The following RIMS1 variants were observed in gnomAD, a reference collection of about 807,000 sequenced individuals.
RIMS1 encodes the protein regulating synaptic membrane exocytosis 1.
RIMS1 carries 83 observed loss-of-function variants against 214.1 expected under a neutral mutation model. That is an observed-to-expected ratio of 0.39 (90% confidence interval 0.32 to 0.47). The LOEUF (loss-of-function observed/expected upper bound fraction) is 0.47, where lower values mean the gene tolerates loss of function less well. Ranked by LOEUF, RIMS1 falls within the 20% of genes least tolerant of loss-of-function variation. The pLI, the probability that RIMS1 is intolerant of heterozygous loss-of-function variation, is 0.99. For synonymous variants in RIMS1, 793 were observed against 786.8 expected (o/e 1.01, Z -0.13); for missense variants, 2,050 against 2,161.8 (o/e 0.95, Z 1.03).
chr6:72,185,795 C>G (rs1451981166), intron 6 of RIMS1, among the ~76,000 whole-genome samples: 2 of 152,106 alleles, frequency 1.3e-5, no homozygotes, highest in African/African-American at 4.8e-5. Flanking sequence ...AAAGTTACAC[C>G]AGGTGTGCCT....
rs151303560 is a variant in RIMS1, at chr6:72,006,177, A to G, written c.245+37114A>G. Among the ~76,000 whole-genome samples the G allele has an allele frequency of 4.6e-3, 707 of 152,268 alleles. 3 individuals carry two copies. Among genetic ancestry groups the G allele is most frequent in the Admixed American group, 0.024 (370 of 15,300 alleles). ...TTCCATTCATAAGGGCTCTGCCCTC[A>G]TGATCTAATTACCTCCCAGGGGATC... On this transcript the variant is annotated intron_variant, in intron 2 of 33. Coordinates refer to ENST00000521978, the MANE Select transcript of RIMS1 (RefSeq NM_014989.7).
At position 72,056,055 on chromosome 6, in the gene RIMS1, A is replaced by G. The variant is rs1423787985; in HGVS notation, c.246-40894A>G. On this transcript the variant is annotated intron_variant, in intron 2 of 33. Coordinates refer to ENST00000521978, the MANE Select transcript of RIMS1 (RefSeq NM_014989.7). ...AGACTGGATAAAGAAAATGTGGTACATATGCACCATGGAATACTATGCAGC... is the reference window on the plus strand; with the variant it reads ...AGACTGGATAAAGAAAATGTGGTACGTATGCACCATGGAATACTATGCAGC... Among the ~76,000 whole-genome samples, 3 of 147,552 alleles carry G rather than the reference A, an allele frequency of 2.0e-5. No individual in the cohort carries two copies. The East Asian group carries it at 6.0e-4, about 29-fold the overall frequency.
At chr6:71,914,556 A>T (rs1777796747) in intron 1 of RIMS1, among the ~76,000 whole-genome samples, 1 of 152,166 alleles carries the variant, frequency 6.6e-6, no homozygotes, top group Non-Finnish European at 1.5e-5. Context: ...TGTTTATGTT[A>T]AGAGTAATTT....
chr6:71,988,422 G>A (rs575625122), intron 2 of RIMS1, among the ~76,000 whole-genome samples: 4 of 151,404 alleles, frequency 2.6e-5, no homozygotes, highest in South Asian at 2.1e-4. Context: ...TTCAAAATCC[G>A]AAATTCTTTA....
Position 72,340,278 on chromosome 6 carries a change from C to T in RIMS1, c.4366+6443C>T, listed in dbSNP as rs1266399792. Among the ~76,000 whole-genome samples, 16 of 151,816 alleles carry T rather than the reference C, an allele frequency of 1.1e-4. 1 individual carries two copies. The highest frequency in any genetic ancestry group is 2.2e-4 in the Non-Finnish European group (15 of 67,898). On this transcript the variant is annotated intron_variant, in intron 29 of 33. Coordinates refer to ENST00000521978, the MANE Select transcript of RIMS1 (RefSeq NM_014989.7). ...TAGTTTCTTTTGCTGTGCAGAAGCTCTTTAGTTTAATTAGATCCCATTTGT... is the reference window on the plus strand; with the variant it reads ...TAGTTTCTTTTGCTGTGCAGAAGCTTTTTAGTTTAATTAGATCCCATTTGT...
rs573133940 is a variant in RIMS1 at position 72,377,223 on chromosome 6, G to A, written c.4367-13375G>A. Among the ~76,000 whole-genome samples, 34 of 152,206 alleles carry A rather than the reference G, an allele frequency of 2.2e-4. No homozygotes were observed. In the South Asian group the frequency reaches 4.6e-3, roughly 20 times the overall value. On this transcript the variant is annotated intron_variant, in intron 29 of 33. Coordinates refer to ENST00000521978, the MANE Select transcript of RIMS1 (RefSeq NM_014989.7). Reference sequence around the variant, plus strand: ...TCTTCTGTTCCCAAACCTTGGCTCCGTCCTGTACCTTGAGTGTCCTTGCGC... The same window carrying A: ...TCTTCTGTTCCCAAACCTTGGCTCCATCCTGTACCTTGAGTGTCCTTGCGC...
At chr6:72,206,676 A>G (rs1175608521) in intron 6 of RIMS1, among the ~76,000 whole-genome samples, 1 of 152,136 alleles carries the variant, frequency 6.6e-6, no homozygotes, top group Non-Finnish European at 1.5e-5. Flanking sequence ...TTTCTTCCAT[A>G]GTTTCCAGTA....
intron 29 of RIMS1, among the ~76,000 whole-genome samples, chr6:72,379,719 A>G (rs1257261369): frequency 6.6e-6 from 1 of 152,178 alleles, no homozygotes; most frequent in Non-Finnish European, 1.5e-5. Context: ...CCTATGAGCT[A>G]GGTATTTTGA....
intron 29 of RIMS1, among the ~76,000 whole-genome samples, chr6:72,337,507 T>C (rs751026407): frequency 6.6e-6 from 1 of 151,834 alleles, no homozygotes; most frequent in Non-Finnish European, 1.5e-5. Context: ...TTTGTGTGAG[T>C]GTATACAATT....
chr6:72,359,910 T>C (rs997861715), intron 29 of RIMS1, among the ~76,000 whole-genome samples: 1 of 152,206 alleles, frequency 6.6e-6, no homozygotes, highest in African/African-American at 2.4e-5. Flanking sequence ...ATACTTGTTT[T>C]ACCCAACTCT....
intron 2 of RIMS1, among the ~76,000 whole-genome samples, chr6:72,022,490 TG>T (rs1300436686): frequency 6.6e-6 from 1 of 152,216 alleles, no homozygotes; most frequent in East Asian, 1.9e-4. Flanking sequence ...ATTACATATT[TG>T]TTGTAGTATA....
intron 2 of RIMS1, among the ~76,000 whole-genome samples, chr6:71,985,604 T>C (rs1400635903): frequency 6.6e-6 from 1 of 152,214 alleles, no homozygotes; most frequent in Non-Finnish European, 1.5e-5. Context: ...AAATATGTCT[T>C]GGGTGGGAGT....
intron 4 of RIMS1, among the ~76,000 whole-genome samples, chr6:72,164,464 A>G (rs1247547254): frequency 6.6e-6 from 1 of 151,958 alleles, no homozygotes; most frequent in Non-Finnish European, 1.5e-5. Flanking sequence ...TGCAGAAATC[A>G]CCCGTCTTCT....
intron 1 of RIMS1, among the ~76,000 whole-genome samples, chr6:71,918,442 A>G (rs979529837): frequency 1.3e-5 from 2 of 152,200 alleles, no homozygotes; most frequent in African/African-American, 2.4e-5. Flanking sequence ...TACCCTTGTC[A>G]AGAGCAAGAC....
At chr6:72,181,688 G>A (rs1037084746) in intron 5 of RIMS1, among the ~76,000 whole-genome samples, 2 of 152,224 alleles carry the variant, frequency 1.3e-5, no homozygotes, top group African/African-American at 4.8e-5. Context: ...CAGGAAGAGA[G>A]GTGGCCAGTG....
At chr6:72,351,517 G>A (rs1249672357) in intron 29 of RIMS1, among the ~76,000 whole-genome samples, 1 of 152,132 alleles carries the variant, frequency 6.6e-6, no homozygotes, top group African/African-American at 2.4e-5. Context: ...CTATGACATT[G>A]ATACAAGAGA....
intron 4 of RIMS1, among the ~76,000 whole-genome samples, chr6:72,129,064 A>C (rs1171254699): frequency 1.3e-5 from 2 of 152,118 alleles, no homozygotes; most frequent in African/African-American, 4.8e-5. Context: ...CACATTTTAA[A>C]TTGTTTCCTT....
chr6:72,258,856 G>T (rs2076895713), intron 17 of RIMS1, 130 bp from the exon 18 acceptor site: 2 of 880,176 alleles, frequency 2.3e-6, no homozygotes, highest in Non-Finnish European at 3.6e-6. Context: ...TGATAAGTAG[G>T]TTTTGATTAT....
chr6:72,316,676 T>G, intron 28 of RIMS1: 1 of 584,400 alleles, frequency 1.7e-6, no homozygotes, highest in Non-Finnish European at 3.3e-6. Context: ...ATGTCATAGA[T>G]GCTTTTATTG....
Sources: allele counts gnomAD v4.1 joint callset (sites outside exome capture counted in the v4.1 genomes callset), GRCh38; gene constraint gnomAD v4.1.1; transcripts MANE v1.5; gene names NCBI Gene and HGNC (gene_info 2026-07-23, HGNC 2026-07-21).